Variants in KLHL7 observed in about 807,000 individuals in gnomAD.
KLHL7 encodes kelch like family member 7, also known as kelch-like protein 7.
In KLHL7, 44 loss-of-function variants were observed where a neutral mutation model predicts 67.4. That is an observed-to-expected ratio of 0.65 (90% CI 0.51 to 0.84). The LOEUF (loss-of-function observed/expected upper bound fraction) is 0.84. KLHL7 is among the 40% of genes least tolerant of loss of function. The pLI is 0.00. For missense variants in KLHL7, 362 were observed against 718.1 expected (o/e 0.50, Z 5.67); for synonymous variants, 252 against 243.3 (o/e 1.04, Z -0.33).
intron 1 of KLHL7, among the ~76,000 whole-genome samples, chr7:23,108,516 A>G (rs909707672): frequency 1.3e-5 from 2 of 152,216 alleles, no homozygotes; most frequent in African/African-American, 4.8e-5. Flanking sequence ...AGACGAGAAC[A>G]TGACCAGTAC....
At chr7:23,167,747 C>T in intron 8 of KLHL7, 89 bp from the exon 9 acceptor site, 1 of 1,194,982 alleles carries the variant, frequency 8.4e-7, no homozygotes, top group Non-Finnish European at 1.2e-6. Context: ...TAAATTCTTC[C>T]TTCCTTAACT....
intron 6 of KLHL7, among the ~76,000 whole-genome samples, chr7:23,149,667 A>G (rs945673224): frequency 2.0e-5 from 3 of 152,230 alleles, no homozygotes; most frequent in African/African-American, 7.2e-5. Context: ...TGCAGACTTG[A>G]GCTAATGTGA....
At chr7:23,131,997 T>C (rs970660981) in intron 4 of KLHL7, among the ~76,000 whole-genome samples, 4 of 152,216 alleles carry the variant, frequency 2.6e-5, no homozygotes, top group African/African-American at 9.6e-5. Flanking sequence ...TTCTTTTTTA[T>C]GGCTGAGTAG....
intron 1 of KLHL7, chr7:23,106,677 T>C: frequency 9.9e-7 from 1 of 1,010,454 alleles, no homozygotes; most frequent in Non-Finnish European, 1.2e-6. Flanking sequence ...GAAGCAGCCA[T>C]CGATAAATAC....
intron 4 of KLHL7, among the ~76,000 whole-genome samples, chr7:23,137,813 G>A (rs926640052): frequency 7.1e-6 from 1 of 140,814 alleles, no homozygotes; most frequent in Non-Finnish European, 1.5e-5. Context: ...TTTGGGCTGG[G>A]CACGGTGACT....
chr7:23,172,493 A>G (rs1321642248), intron 9 of KLHL7, among the ~76,000 whole-genome samples: 3 of 152,248 alleles, frequency 2.0e-5, no homozygotes, highest in African/African-American at 7.2e-5. Context: ...GAGGCCCATT[A>G]TAAGTTTGTG....
intron 5 of KLHL7, among the ~76,000 whole-genome samples, chr7:23,143,632 A>C (rs1012645027): frequency 6.6e-6 from 1 of 152,124 alleles, no homozygotes; most frequent in African/African-American, 2.4e-5. Flanking sequence ...ATTACACTAC[A>C]TAATAGTAGT....
chr7:23,158,263 A>C (rs992463236), intron 7 of KLHL7, among the ~76,000 whole-genome samples: 3 of 152,106 alleles, frequency 2.0e-5, no homozygotes, highest in African/African-American at 7.2e-5. Context: ...CACCACAGCC[A>C]GCCTGGGGTG....
At chr7:23,125,021 C>T (rs1423612426) in intron 3 of KLHL7, 27 bp from the exon 4 acceptor site, 8 of 1,597,048 alleles carry the variant, frequency 5.0e-6, no homozygotes, top group Non-Finnish European at 6.9e-6. Context: ...TCATGGGTAA[C>T]TAATATTCCC....
intron 4 of KLHL7, among the ~76,000 whole-genome samples, chr7:23,130,813 G>A (rs1328344820): frequency 6.6e-6 from 1 of 152,144 alleles, no homozygotes; most frequent in Non-Finnish European, 1.5e-5. Context: ...AAGATTAAGA[G>A]TAAACCTATG....
At chr7:23,130,602 A>T (rs1783762443) in intron 4 of KLHL7, among the ~76,000 whole-genome samples, 2 of 152,170 alleles carry the variant, frequency 1.3e-5, no homozygotes, top group African/African-American at 4.8e-5. Flanking sequence ...TGACATTGTA[A>T]GTTCTTGGAT....
In KLHL7 at chr7:23,113,915, A is replaced by G. The variant is rs62466542; in HGVS notation, c.120+7769A>G. 7.3e-3 allele frequency among the ~76,000 whole-genome samples: 1,117 copies of G among 152,358 alleles called. 8 individuals carry two copies. The highest frequency in any genetic ancestry group is 0.013 in the Non-Finnish European group (857 of 68,022). On this transcript the variant is annotated intron_variant, in intron 1 of 10. Coordinates refer to ENST00000339077, the MANE Select transcript of KLHL7 (RefSeq NM_001031710.3). ...TTGCTACATAGAGACCATGCTGTCT[A>G]TATAAATTATATCAGATTAGCTTAT...
intron 7 of KLHL7, among the ~76,000 whole-genome samples, chr7:23,153,362 G>T (rs975206249): frequency 2.6e-5 from 4 of 152,178 alleles, no homozygotes; most frequent in Non-Finnish European, 5.9e-5. Context: ...GAGGGAGAAA[G>T]ATAGTGAATT....
intron 9 of KLHL7, among the ~76,000 whole-genome samples, chr7:23,171,931 G>A (rs974355297): frequency 2.0e-5 from 3 of 152,166 alleles, no homozygotes; most frequent in Non-Finnish European, 4.4e-5. Context: ...GGATGGTCTC[G>A]ATCGCCTGAC....
chr7:23,133,294 T>C (rs1280033520), intron 4 of KLHL7, among the ~76,000 whole-genome samples: 1 of 152,190 alleles, frequency 6.6e-6, no homozygotes, highest in Non-Finnish European at 1.5e-5. Context: ...TTTCCCACTT[T>C]TTGGTGTCTT....
At chr7:23,148,444 G>C (rs1431406017) in intron 6 of KLHL7, among the ~76,000 whole-genome samples, 2 of 150,988 alleles carry the variant, frequency 1.3e-5, no homozygotes, top group African/African-American at 4.9e-5. Flanking sequence ...CCAAAGGCTA[G>C]TGTCTTGGAA....
chr7:23,119,299 G>C (rs1783231730), intron 1 of KLHL7, among the ~76,000 whole-genome samples: 1 of 152,070 alleles, frequency 6.6e-6, no homozygotes, highest in Non-Finnish European at 1.5e-5. Flanking sequence ...CTGTCTCCTG[G>C]GTTCAAGCGA....
chr7:23,164,789 A>G (rs974689679), intron 7 of KLHL7, among the ~76,000 whole-genome samples: 18 of 152,252 alleles, frequency 1.2e-4, no homozygotes, highest in African/African-American at 4.3e-4. Flanking sequence ...ATCATAGGTT[A>G]TCAGTCAGAT....
intron 6 of KLHL7, among the ~76,000 whole-genome samples, chr7:23,149,948 C>A (rs1182299961): frequency 6.6e-6 from 1 of 152,094 alleles, no homozygotes; most frequent in African/African-American, 2.4e-5. Context: ...TTTCTCTATC[C>A]TTTTAATAAA....
Sources: gnomAD v4.1 joint callset for allele counts (sites outside exome capture counted in the v4.1 genomes callset) on GRCh38, gnomAD v4.1.1 for gene constraint, MANE v1.5 for transcripts, NCBI Gene and HGNC (gene_info 2026-07-23, HGNC 2026-07-21) for gene names.